Variants in ACSS2 observed in about 807,000 individuals in gnomAD.
ACSS2 encodes acetyl-coenzyme A synthetase, cytoplasmic.
A neutral mutation model predicts 90.6 loss-of-function variants in ACSS2; 58 were observed. The observed-to-expected ratio is 0.64, with a 90% confidence interval of 0.52 to 0.80. The LOEUF (loss-of-function observed/expected upper bound fraction) is 0.80. Among genes scored for constraint, ACSS2 ranks in the 30% least tolerant of loss-of-function variants. The pLI is 0.00. For synonymous variants in ACSS2, 300 were observed against 330.9 expected (o/e 0.91, Z 1.01); for missense variants, 759 against 912.0 (o/e 0.83, Z 2.16).
At chr20:34,880,906 A>G (rs2080056629) in intron 1 of ACSS2, among the ~76,000 whole-genome samples, 1 of 152,136 alleles carries the variant, frequency 6.6e-6, no homozygotes, top group African/African-American at 2.4e-5. Context: ...GTAACCTGAA[A>G]CAAATGACTT....
intron 2 of ACSS2, among the ~76,000 whole-genome samples, chr20:34,904,528 A>G (rs550055741): frequency 6.6e-6 from 1 of 152,338 alleles, no homozygotes; most frequent in South Asian, 2.1e-4. Flanking sequence ...CTTTTACTCA[A>G]AATGAAATGG....
chr20:34,887,550 G>C (rs908811747), intron 2 of ACSS2, among the ~76,000 whole-genome samples: 3 of 152,136 alleles, frequency 2.0e-5, no homozygotes, highest in Non-Finnish European at 4.4e-5. Flanking sequence ...GACCAGCCTG[G>C]CCAACATGGT....
intron 1 of ACSS2, among the ~76,000 whole-genome samples, chr20:34,881,192 ATT>A (rs752124623): frequency 8.0e-5 from 11 of 137,534 alleles, no homozygotes; most frequent in Admixed American, 1.5e-4. Flanking sequence ...ACACCTGGCA[ATT>A]TTTTTTTTTT....
chr20:34,891,534 G>A (rs1054785687), intron 2 of ACSS2, among the ~76,000 whole-genome samples: 1 of 152,126 alleles, frequency 6.6e-6, no homozygotes, highest in African/African-American at 2.4e-5. Context: ...CATAAAGCAA[G>A]AATTTTAGAA....
At chr20:34,897,419 G>T (rs1294271780) in intron 2 of ACSS2, among the ~76,000 whole-genome samples, 2 of 151,978 alleles carry the variant, frequency 1.3e-5, no homozygotes, top group African/African-American at 2.4e-5. Flanking sequence ...TGTCTCTAAG[G>T]CTCTGCCTTA....
rs1600369306 is a variant in ACSS2, at chr20:34,926,198, A to G, written c.1820A>G (p.Lys607Arg). Residue 607 changes from lysine to arginine, a missense_variant, in exon 16 of 18, where the codon AAG becomes AGG. Transcript: ENST00000360596. Reference sequence around the variant, plus strand: ...GTGGTGGGCCACCCTCATCCTGTGAAGGGTGAATGCCTCTACTGCTTTGTC... The same window carrying G: ...GTGGTGGGCCACCCTCATCCTGTGAGGGGTGAATGCCTCTACTGCTTTGTC... ...AAVVGHPHPV[K>R]GECLYCFVTL... The G allele has an allele frequency of 1.2e-6, 2 of 1,614,108 alleles. No homozygotes were observed. Among genetic ancestry groups the G allele is most frequent in the African/African-American group, 2.7e-5 (2 of 74,930 alleles).
At chr20:34,905,614 A>C (rs780305921) in intron 2 of ACSS2, among the ~76,000 whole-genome samples, 41 of 152,314 alleles carry the variant, frequency 2.7e-4, no homozygotes, top group South Asian at 6.2e-4. Flanking sequence ...AAATCGAAAA[A>C]ATTGACAACA....
At chr20:34,925,973 C>T in intron 15 of ACSS2, 132 bp from the exon 16 acceptor site, 1 of 1,054,522 alleles carries the variant, frequency 9.5e-7, no homozygotes, top group South Asian at 1.4e-5. Context: ...TGACTGAAAG[C>T]ATGTCATCTG....
chr20:34,879,898 G>A (rs2080029579), intron 1 of ACSS2, among the ~76,000 whole-genome samples: 1 of 152,164 alleles, frequency 6.6e-6, no homozygotes, highest in South Asian at 2.1e-4. Flanking sequence ...AGTTTCCTGT[G>A]CTTCCTGAGC....
chr20:34,881,403 G>A (rs2080069903), intron 1 of ACSS2, among the ~76,000 whole-genome samples: 1 of 152,050 alleles, frequency 6.6e-6, no homozygotes, highest in Non-Finnish European at 1.5e-5. Flanking sequence ...TTTACCTGTT[G>A]AGTACATTTT....
At chr20:34,881,041 T>C (rs2080060169) in intron 1 of ACSS2, among the ~76,000 whole-genome samples, 1 of 147,914 alleles carries the variant, frequency 6.8e-6, no homozygotes, top group East Asian at 2.0e-4. Context: ...TTTTTTTTTT[T>C]TTTGAGATAG....
chr20:34,913,043 G>A, intron 2 of ACSS2, 53 bp from the exon 3 acceptor site: 1 of 1,396,364 alleles, frequency 7.2e-7, no homozygotes, highest in Non-Finnish European at 1.0e-6. Flanking sequence ...CCTGTTTCTT[G>A]TTTGGGGAAG....
chr20:34,878,007 C>T (rs1480104526), intron 1 of ACSS2, among the ~76,000 whole-genome samples: 2 of 152,104 alleles, frequency 1.3e-5, no homozygotes, highest in Non-Finnish European at 2.9e-5. Context: ...GTTCTAGGCT[C>T]ACTATAGCCT....
chr20:34,893,296 G>C (rs1384523564), intron 2 of ACSS2, among the ~76,000 whole-genome samples: 1 of 152,060 alleles, frequency 6.6e-6, no homozygotes, highest in Admixed American at 6.6e-5. Flanking sequence ...CAAACTCCAA[G>C]GTCCAAGTGA....
At chr20:34,919,820 C>T (rs1568996860) in intron 8 of ACSS2, among the ~76,000 whole-genome samples, 1 of 151,914 alleles carries the variant, frequency 6.6e-6, no homozygotes, top group Non-Finnish European at 1.5e-5. Context: ...ATGTTCTTTC[C>T]CTATGCACCC....
intron 2 of ACSS2, among the ~76,000 whole-genome samples, chr20:34,909,194 C>CAAAAAAAAA: frequency 2.2e-5 from 1 of 45,110 alleles, no homozygotes; most frequent in Non-Finnish European, 4.5e-5. Flanking sequence ...CCTGTCTTTG[C>CAAAAAAAAA]AAAAAAAAAA....
chr20:34,923,636 G>A (rs771844171), intron 14 of ACSS2, among the ~76,000 whole-genome samples: 7 of 152,196 alleles, frequency 4.6e-5, no homozygotes, highest in Non-Finnish European at 8.8e-5. Flanking sequence ...GCCTCAGGTA[G>A]CTTCCAATCA....
chr20:34,908,668 C>T (rs4911448), intron 2 of ACSS2: 37,366 of 234,354 alleles, frequency 0.16, 3,433 homozygotes, highest in South Asian at 0.28. Flanking sequence ...TCAAGACCAA[C>T]CTGACCAACA....
intron 14 of ACSS2, among the ~76,000 whole-genome samples, chr20:34,925,095 C>T (rs2081288407): frequency 6.6e-6 from 1 of 152,162 alleles, no homozygotes; most frequent in African/African-American, 2.4e-5. Context: ...ATACTATTGG[C>T]ATGGAACAAA....
Sources: gnomAD v4.1 joint callset for allele counts (sites outside exome capture counted in the v4.1 genomes callset) on GRCh38, gnomAD v4.1.1 for gene constraint, MANE v1.5 for transcripts, NCBI Gene and HGNC (gene_info 2026-07-23, HGNC 2026-07-21) for gene names.